The following TUB variants were observed in gnomAD, a reference collection of about 807,000 sequenced individuals.
The protein encoded by TUB is TUB bipartite transcription factor, also known as tubby protein homolog.
In TUB, 33 loss-of-function variants were observed where a neutral mutation model predicts 59.7. The ratio of observed to expected loss-of-function variants is 0.55; its 90% CI spans 0.42 to 0.74. The LOEUF is 0.74. TUB is among the 30% of genes least tolerant of loss of function. The probability of loss-of-function intolerance (pLI) is 0.00; values close to 1 mark genes in which losing one functional copy is unlikely to be tolerated. For missense variants in TUB, 659 were observed against 672.0 expected, an observed-to-expected ratio of 0.98 and a Z score of 0.21; for synonymous variants, 293 against 256.4, an observed-to-expected ratio of 1.14 and a Z score of -1.36.
chr11:8,076,780 T>A (rs1404409927), upstream of TUB: 1 of 152,252 alleles, frequency 6.6e-6, no homozygotes, highest in Non-Finnish European at 1.5e-5. Context: ...GCCCTATGCA[T>A]TTTATGTTTC....
intron 2 of TUB, among the ~76,000 whole-genome samples, chr11:8,049,641 T>A (rs2133751410): frequency 6.7e-6 from 1 of 150,180 alleles, no homozygotes; most frequent in South Asian, 2.1e-4. Context: ...ATCACATTAC[T>A]TTTATTGTGT....
intron 2 of TUB, chr11:8,068,915 C>A (rs1943301960): frequency 6.6e-6 from 1 of 152,194 alleles, no homozygotes; most frequent in South Asian, 2.1e-4. Flanking sequence ...ACAGGGCCGG[C>A]CTACGAGGTC....
chr11:8,098,550 G>A (rs1179232780), intron 8 of TUB, among the ~76,000 whole-genome samples: 2 of 152,176 alleles, frequency 1.3e-5, no homozygotes, highest in African/African-American at 2.4e-5. Flanking sequence ...GAACTGAAAT[G>A]CACTTTGAGT....
At chr11:8,044,368 T>A (rs1942796925) in intron 2 of TUB, among the ~76,000 whole-genome samples, 1 of 152,250 alleles carries the variant, frequency 6.6e-6, no homozygotes, top group Admixed American at 6.5e-5. Flanking sequence ...ATGTTTTTCA[T>A]CTCTTGAAGC....
At position 8,101,691 on chromosome 11, in the gene TUB, T is replaced by TG; in HGVS notation, c.*73dup. On this transcript the variant is annotated 3_prime_UTR_variant, in exon 12 of 12. Transcript: ENST00000299506. Reference sequence around the variant, plus strand: ...GCCTGCCTGCCTGTGGAGACAGCCCTGCCTATCCTCTGTATATAGGCCTTC... The same window carrying TG: ...GCCTGCCTGCCTGTGGAGACAGCCCTGGCCTATCCTCTGTATATAGGCCTTC... The TG allele has an allele frequency of 3.8e-6, 6 of 1,574,422 alleles. No homozygotes were observed. Among genetic ancestry groups the TG allele is most frequent in the Non-Finnish European group, 5.2e-6 (6 of 1,161,168 alleles).
chr11:8,095,134 G>A (rs893552787), intron 4 of TUB, among the ~76,000 whole-genome samples: 5 of 152,228 alleles, frequency 3.3e-5, no homozygotes, highest in Admixed American at 6.5e-5. Flanking sequence ...GTAGCTGGTC[G>A]TGTCCATGAA....
At position 8,101,843 on chromosome 11, in the gene TUB, T is replaced by C; in HGVS notation, c.*224T>C. 1 of 464,588 alleles carries C rather than the reference T, an allele frequency of 2.2e-6. No individual in the cohort carries two copies. The highest frequency in any genetic ancestry group is 7.8e-5 in the South Asian group (1 of 12,842). The allele number at this position is 464,588 out of a possible 1,614,324, so 28.8% of individuals were successfully genotyped here. ...GTGGGTGGGTGTGAAGGGATGAGAA[T>C]AATTCTTTCCATGCCACGAGATCAA... On this transcript the variant is annotated 3_prime_UTR_variant, in exon 12 of 12. Coordinates refer to ENST00000299506, the MANE Select transcript of TUB (RefSeq NM_177972.3).
At chr11:8,053,435 A>G (rs55642260) in intron 2 of TUB, among the ~76,000 whole-genome samples, 26,893 of 151,894 alleles carry the variant, frequency 0.18, 2,742 homozygotes, top group African/African-American at 0.26. Flanking sequence ...ATCTTTTTTT[A>G]TGTATTGCTG....
chr11:8,090,159 G>A lies in TUB; in HGVS notation c.181G>A (p.Ala61Thr). The stretch of plus-strand genomic sequence containing the variant: ...AGATGGGCGGCCCCGGAGCCGGCGG[G>A]CCCGGCAGTCAGAGGAACAAGCCCC... ...NADGRPRSRR[A>T]RQSEEQAPLV... The change falls in exon 3 of 12, where the codon GCC becomes ACC. Residue 61 changes from alanine to threonine, a missense_variant. Around this residue, in one of 3 missense-constraint regions of TUB, gnomAD observed 321 missense variants for 304.3 expected, o/e 1.05. Coordinates refer to ENST00000299506, the MANE Select transcript of TUB (RefSeq NM_177972.3). 1 of 1,613,602 alleles carries A rather than the reference G, an allele frequency of 6.2e-7. No homozygotes were observed.
At chr11:8,101,269 G>A (rs888557191) in intron 11 of TUB, among the ~76,000 whole-genome samples, 1 of 152,140 alleles carries the variant, frequency 6.6e-6, no homozygotes, top group African/African-American at 2.4e-5. Context: ...CTGTCCCCTG[G>A]TGTTCACATG....
chr11:8,077,555 T>G (rs1943469218), upstream of TUB: 1 of 152,236 alleles, frequency 6.6e-6, no homozygotes, highest in African/African-American at 2.4e-5. Flanking sequence ...AGAATCTCAG[T>G]AACTGTTACG....
At chr11:8,053,971 C>T (rs1051757646) in intron 2 of TUB, among the ~76,000 whole-genome samples, 12 of 151,880 alleles carry the variant, frequency 7.9e-5, no homozygotes, top group Admixed American at 2.6e-4. Context: ...AAAATATTAG[C>T]CAGACGTGGT....
chr11:8,086,345 T>C (rs1345800394), intron 1 of TUB, among the ~76,000 whole-genome samples: 1 of 151,954 alleles, frequency 6.6e-6, no homozygotes, highest in Non-Finnish European at 1.5e-5. Flanking sequence ...GGAATGGTGC[T>C]GGGGTGGAGA....
intron 1 of TUB, among the ~76,000 whole-genome samples, chr11:8,087,589 G>A (rs1943692544): frequency 6.6e-6 from 1 of 152,334 alleles, no homozygotes; most frequent in South Asian, 2.1e-4. Flanking sequence ...GTCAGCCAGG[G>A]GCCACTGTAC....
intron 1 of TUB, among the ~76,000 whole-genome samples, chr11:8,027,812 G>A (rs1942520028): frequency 6.6e-6 from 1 of 152,242 alleles, no homozygotes; most frequent in Non-Finnish European, 1.5e-5. Flanking sequence ...ACTGTGCACA[G>A]CCAGCATTTT....
chr11:8,037,071 G>T (rs910828171), upstream of TUB, among the ~76,000 whole-genome samples: 2 of 152,178 alleles, frequency 1.3e-5, no homozygotes, highest in African/African-American at 2.4e-5. Flanking sequence ...CAAGACTAAA[G>T]ACACCTGAAA....
chr11:8,052,083 A>T (rs1484551877), intron 2 of TUB, among the ~76,000 whole-genome samples: 3 of 152,250 alleles, frequency 2.0e-5, no homozygotes, highest in Non-Finnish European at 4.4e-5. Flanking sequence ...CAGATGATTT[A>T]TTGGAGATTC....
At chr11:8,058,850 G>C (rs1275267661) in intron 2 of TUB, among the ~76,000 whole-genome samples, 2 of 152,186 alleles carry the variant, frequency 1.3e-5, no homozygotes, top group African/African-American at 4.8e-5. Flanking sequence ...ACAGTCATCT[G>C]GCTATATGGA....
At chr11:8,046,197 T>C (rs983131583) in intron 2 of TUB, among the ~76,000 whole-genome samples, 2 of 152,222 alleles carry the variant, frequency 1.3e-5, no homozygotes, top group African/African-American at 4.8e-5. Context: ...GTTCACTTTG[T>C]TTGTTCTCTT....
Sources: gnomAD v4.1 joint callset for allele counts (sites outside exome capture counted in the v4.1 genomes callset) on GRCh38, gnomAD v4.1.1 for gene constraint, gnomAD v4.1.1 regional missense constraint, MANE v1.5 for transcripts, NCBI Gene and HGNC (gene_info 2026-07-23, HGNC 2026-07-21) for gene names.